The following UXS1 variants were observed in gnomAD, a reference collection of about 807,000 sequenced individuals.
UXS1 encodes UDP-glucuronic acid decarboxylase 1.
A neutral mutation model predicts 62.6 loss-of-function variants in UXS1; 33 were observed. The ratio of observed to expected loss-of-function variants is 0.53; its 90% CI spans 0.40 to 0.70. The LOEUF is 0.70. Ranked by LOEUF, UXS1 falls within the 30% of genes least tolerant of loss-of-function variation. The pLI, the probability that UXS1 is intolerant of heterozygous loss-of-function variation, is 0.00. For missense variants in UXS1, 434 were observed against 556.3 expected, an observed-to-expected ratio of 0.78 and a Z score of 2.21; for synonymous variants, 213 against 206.8, an observed-to-expected ratio of 1.03 and a Z score of -0.26.
intron 6 of UXS1, among the ~76,000 whole-genome samples, chr2:106,139,768 C>A (rs1342486085): frequency 6.6e-6 from 1 of 152,156 alleles, no homozygotes; most frequent in Non-Finnish European, 1.5e-5. Context: ...CTGCCAAGGA[C>A]CAGTTCAGGA....
chr2:106,111,330 CA>C (rs1678588471), intron 10 of UXS1, among the ~76,000 whole-genome samples: 1 of 152,150 alleles, frequency 6.6e-6, no homozygotes, highest in Non-Finnish European at 1.5e-5. Flanking sequence ...CACTTAGTGA[CA>C]GGGGGAGGTG....
In UXS1 at chr2:106,114,877, C is replaced by A. The variant is rs181751363; in HGVS notation, c.760-2112G>T. Among the ~76,000 whole-genome samples, 69 of 152,344 alleles carry A rather than the reference C, an allele frequency of 4.5e-4. 1 individual carries two copies. Among genetic ancestry groups the A allele is most frequent in the African/African-American group, 1.6e-3 (66 of 41,566 alleles). On this transcript the variant is annotated intron_variant, in intron 9 of 14. Transcript: ENST00000283148. The stretch of plus-strand genomic sequence containing the variant: ...CTACTCATGAAGCCTAAACTCCTTA[C>A]ATGAAATAGACAGGAACCCGAGGCT...
Position 106,099,666 on chromosome 2 carries a change from G to A in UXS1, c.985-893C>T, listed in dbSNP as rs376411818. On this transcript the variant is annotated intron_variant, in intron 12 of 14. Transcript: ENST00000283148. Reference sequence around the variant, plus strand: ...GAAGGAGGAACATGGTATCTACAGAGAAGAGCCTGGCTGCCCAGGGAAGTC... The same window carrying A: ...GAAGGAGGAACATGGTATCTACAGAAAAGAGCCTGGCTGCCCAGGGAAGTC... 3.2e-4 allele frequency among the ~76,000 whole-genome samples: 48 copies of A among 152,328 alleles called. No individual in the cohort carries two copies. In the East Asian group the frequency reaches 7.3e-3, roughly 23 times the overall value.
chr2:106,165,677 T>C (rs1573549153), intron 2 of UXS1, among the ~76,000 whole-genome samples: 1 of 152,190 alleles, frequency 6.6e-6, no homozygotes, highest in Non-Finnish European at 1.5e-5. Context: ...CCTGAGGTCA[T>C]GGGCCTGCCA....
intron 8 of UXS1, among the ~76,000 whole-genome samples, chr2:106,123,982 A>G (rs1424556130): frequency 6.6e-6 from 1 of 152,216 alleles, no homozygotes; most frequent in Non-Finnish European, 1.5e-5. Context: ...GTATCCTGCC[A>G]CTTGTCTGCT....
intron 4 of UXS1, 33 bp downstream of exon 4, chr2:106,163,634 A>T: frequency 7.1e-7 from 1 of 1,410,820 alleles, no homozygotes; most frequent in Non-Finnish European, 9.5e-7. Context: ...AACTTATTTT[A>T]ACTATTGACT....
chr2:106,101,264 C>G, intron 11 of UXS1, 146 bp from the exon 12 acceptor site: 1 of 724,728 alleles, frequency 1.4e-6, no homozygotes, highest in Admixed American at 3.0e-5. Context: ...GAAACAAAAT[C>G]CTACAAACTA....
chr2:106,144,768 G>A (rs1681423055), intron 6 of UXS1, among the ~76,000 whole-genome samples: 1 of 152,100 alleles, frequency 6.6e-6, no homozygotes, highest in African/African-American at 2.4e-5. Flanking sequence ...GTTTTCCCAG[G>A]CCTCTTTTAT....
At chr2:106,096,660 C>A (rs1275126476) in intron 14 of UXS1, 58 bp downstream of exon 14, 7 of 1,458,454 alleles carry the variant, frequency 4.8e-6, no homozygotes, top group Non-Finnish European at 6.5e-6. Context: ...TACAGGACAG[C>A]AGACACAGGA....
At chr2:106,175,313 C>T (rs146862483) in intron 1 of UXS1, among the ~76,000 whole-genome samples, 2 of 152,320 alleles carry the variant, frequency 1.3e-5, no homozygotes, top group African/African-American at 4.8e-5. Flanking sequence ...TCAAGCTTTT[C>T]TGAACATGTG....
At chr2:106,193,043 C>T (rs1393023230) in intron 1 of UXS1, among the ~76,000 whole-genome samples, 1 of 152,182 alleles carries the variant, frequency 6.6e-6, no homozygotes, top group African/African-American at 2.4e-5. Flanking sequence ...ACCCATCCGA[C>T]GCCTGAAACC....
chr2:106,168,716 A>C (rs570036576), intron 1 of UXS1, among the ~76,000 whole-genome samples: 2 of 152,358 alleles, frequency 1.3e-5, no homozygotes, highest in South Asian at 4.1e-4. Context: ...GGAATAAGCC[A>C]AAATATCCCA....
In UXS1 at chr2:106,146,630, A is replaced by AT. The variant is rs202110770; in HGVS notation, c.292-1261dup. ...CCTGTCTCTACTAAAAATACAAAAA[A>AT]TTAGCTGGGCGTGGTGGCACACTCC... On this transcript the variant is annotated intron_variant, in intron 5 of 14. Coordinates refer to ENST00000283148, the MANE Select transcript of UXS1 (RefSeq NM_001253875.2). Among the ~76,000 whole-genome samples, 738 of 151,938 alleles carry AT rather than the reference A, an allele frequency of 4.9e-3. 4 individuals are homozygous for AT. Among genetic ancestry groups the AT allele is most frequent in the African/African-American group, 0.016 (683 of 41,410 alleles).
intron 1 of UXS1, 114 bp downstream of exon 1, chr2:106,194,034 G>A: frequency 2.8e-6 from 2 of 725,260 alleles, no homozygotes; most frequent in Non-Finnish European, 3.8e-6. Flanking sequence ...GCCCGGGGCG[G>A]GGAGCAACGC....
intron 13 of UXS1, chr2:106,097,262 A>C (rs760549502): frequency 4.4e-6 from 2 of 453,754 alleles, no homozygotes; most frequent in South Asian, 3.1e-5. Flanking sequence ...CTCGGAGCCT[A>C]GACAGCCCTG....
chr2:106,099,550 A>G, intron 12 of UXS1, among the ~76,000 whole-genome samples: 1 of 152,138 alleles, frequency 6.6e-6, no homozygotes, highest in East Asian at 1.9e-4. Flanking sequence ...AGTGACGGAA[A>G]TTTGCAAGAA....
chr2:106,105,511 C>G (rs1677981507), intron 10 of UXS1, among the ~76,000 whole-genome samples: 1 of 152,174 alleles, frequency 6.6e-6, no homozygotes, highest in African/African-American at 2.4e-5. Flanking sequence ...TTCCACCTGG[C>G]AGAGTGCTAC....
chr2:106,155,939 C>CTTA (rs1395234147), intron 5 of UXS1, among the ~76,000 whole-genome samples: 1 of 152,010 alleles, frequency 6.6e-6, no homozygotes, highest in Non-Finnish European at 1.5e-5. Context: ...AGAACAAAAT[C>CTTA]TATAAAACTC....
At chr2:106,145,399 T>C (rs374296139) in intron 5 of UXS1, 29 bp from the exon 6 acceptor site, 1 of 1,588,042 alleles carries the variant, frequency 6.3e-7, no homozygotes, top group South Asian at 1.2e-5. Context: ...TGCAGAGCAT[T>C]CCCAGAAAAA....
Sources: allele counts gnomAD v4.1 joint callset (sites outside exome capture counted in the v4.1 genomes callset), GRCh38; gene constraint gnomAD v4.1.1; transcripts MANE v1.5; gene names NCBI Gene and HGNC (gene_info 2026-07-23, HGNC 2026-07-21).